Variants in RBM47 observed in about 807,000 individuals in gnomAD.
The protein encoded by RBM47 is RNA binding motif protein 47.
RBM47 carries 21 observed loss-of-function variants against 47.1 expected under a neutral mutation model. The observed-to-expected ratio is 0.45, with a 90% CI of 0.32 to 0.64. The LOEUF (loss-of-function observed/expected upper bound fraction) is 0.64. Ranked by LOEUF, RBM47 falls within the 30% of genes least tolerant of loss-of-function variation. The probability of loss-of-function intolerance (pLI) is 0.05; values close to 1 mark genes in which losing one functional copy is unlikely to be tolerated. For missense variants in RBM47, 708 were observed against 870.9 expected (o/e 0.81, Z 2.35); for synonymous variants, 375 against 361.7 (o/e 1.04, Z -0.42).
At chr4:40,483,953 C>A (rs1444795889) in intron 2 of RBM47, among the ~76,000 whole-genome samples, 1 of 152,046 alleles carries the variant, frequency 6.6e-6, no homozygotes, top group African/African-American at 2.4e-5. Flanking sequence ...ATGTTTACAT[C>A]CAAAGATATT....
chr4:40,583,404 A>G (rs1307753302), intron 1 of RBM47, among the ~76,000 whole-genome samples: 1 of 150,758 alleles, frequency 6.6e-6, no homozygotes, highest in African/African-American at 2.4e-5. Flanking sequence ...AAAAAAAAAA[A>G]AAAAAAAAAA....
intron 1 of RBM47, among the ~76,000 whole-genome samples, chr4:40,569,484 A>C (rs1204746688): frequency 6.8e-6 from 1 of 147,556 alleles, no homozygotes; most frequent in Non-Finnish European, 1.5e-5. Context: ...ATCTCAGTTC[A>C]CTGCAATCTC....
At chr4:40,623,809 G>T (rs201604016) in intron 1 of RBM47, among the ~76,000 whole-genome samples, 2 of 151,926 alleles carry the variant, frequency 1.3e-5, no homozygotes, top group East Asian at 3.9e-4. Context: ...GCCTTTTAAA[G>T]GATATTAAAT....
intron 2 of RBM47, among the ~76,000 whole-genome samples, chr4:40,502,724 T>A (rs1723535532): frequency 6.6e-6 from 1 of 151,570 alleles, no homozygotes; most frequent in Non-Finnish European, 1.5e-5. Flanking sequence ...CATGCACCTG[T>A]AGCTCCAGCT....
intron 6 of RBM47, among the ~76,000 whole-genome samples, chr4:40,430,004 C>T (rs1715682617): frequency 6.6e-6 from 1 of 151,816 alleles, no homozygotes; most frequent in South Asian, 2.1e-4. Context: ...ACCATCCTGG[C>T]TAACAGGTGA....
chr4:40,487,597 TTTC>T (rs1259983916), intron 2 of RBM47, among the ~76,000 whole-genome samples: 2 of 152,144 alleles, frequency 1.3e-5, no homozygotes, highest in Non-Finnish European at 1.5e-5. Flanking sequence ...GGCCTCATCA[TTTC>T]TTTTTTTATC....
intron 2 of RBM47, among the ~76,000 whole-genome samples, chr4:40,509,188 T>TAAATAAATA (rs543483077): frequency 6.8e-5 from 10 of 147,698 alleles, no homozygotes; most frequent in Non-Finnish European, 1.0e-4. Flanking sequence ...AATAAATAAA[T>TAAATAAATA]AATAATAATA....
intron 3 of RBM47, 55 bp from the exon 4 acceptor site, chr4:40,438,979 G>C (rs1012067342): frequency 2.9e-5 from 41 of 1,409,108 alleles, no homozygotes; most frequent in Non-Finnish European, 3.7e-5. Flanking sequence ...GCCTCTTTTG[G>C]GTTGTGTTTC....
chr4:40,609,283 C>T (rs1258262337), intron 1 of RBM47, among the ~76,000 whole-genome samples: 1 of 151,644 alleles, frequency 6.6e-6, no homozygotes, highest in Non-Finnish European at 1.5e-5. Flanking sequence ...AGCCACCATG[C>T]CTGGCCTGCT....
chr4:40,550,184 G>A lies in RBM47; in HGVS notation c.-239-5678C>T, dbSNP rs112283242. On this transcript the variant is annotated intron_variant, in intron 1 of 6. Transcript: ENST00000295971. ...AATTCTCACATGGTCTCCTACACAAGACCATAAATTTTGTGCATGATCATT... is the reference window on the plus strand; with the variant it reads ...AATTCTCACATGGTCTCCTACACAAAACCATAAATTTTGTGCATGATCATT... 4.2e-4 allele frequency among the ~76,000 whole-genome samples: 64 copies of A among 152,230 alleles called. 1 individual carries two copies. The highest frequency in any genetic ancestry group is 1.5e-3 in the African/African-American group (62 of 41,544).
chr4:40,500,159 C>T (rs1490334030), intron 2 of RBM47, among the ~76,000 whole-genome samples: 1 of 152,056 alleles, frequency 6.6e-6, no homozygotes, highest in African/African-American at 2.4e-5. Flanking sequence ...ACTAAAAATA[C>T]AAAATTAGCC....
rs1427063452 is a variant in RBM47, at chr4:40,572,000, G to A, written c.-239-27494C>T. Among the ~76,000 whole-genome samples the A allele has an allele frequency of 5.4e-5, 8 of 147,768 alleles. No individual in the cohort carries two copies. The Admixed American group carries it at 5.5e-4, about 10-fold the overall frequency. On this transcript the variant is annotated intron_variant, in intron 1 of 6. Transcript: ENST00000295971. Reference sequence around the variant, plus strand: ...ATTGTACCACTGTACTCCAGCCTGGGCAACAGAGCGAGACTCCATCTCAAA... The same window carrying A: ...ATTGTACCACTGTACTCCAGCCTGGACAACAGAGCGAGACTCCATCTCAAA...
intron 3 of RBM47, among the ~76,000 whole-genome samples, chr4:40,457,718 A>G (rs977165753): frequency 2.0e-5 from 3 of 152,220 alleles, no homozygotes; most frequent in African/African-American, 7.2e-5. Context: ...TAGAGGCATG[A>G]GTCACTGTGC....
At chr4:40,569,699 A>T (rs563339872) in intron 1 of RBM47, among the ~76,000 whole-genome samples, 4 of 145,702 alleles carry the variant, frequency 2.7e-5, no homozygotes, top group Non-Finnish European at 6.0e-5. Flanking sequence ...GTGAGTCACC[A>T]CGCCCGGCTC....
At chr4:40,467,796 T>C (rs77046496) in intron 2 of RBM47, among the ~76,000 whole-genome samples, 8,520 of 152,236 alleles carry the variant, frequency 0.056, 579 homozygotes, top group East Asian at 0.27. Flanking sequence ...TGTGTGGAAA[T>C]ATAATCTGCC....
At chr4:40,433,102 A>C (rs1181369743) in intron 5 of RBM47, among the ~76,000 whole-genome samples, 1 of 152,068 alleles carries the variant, frequency 6.6e-6, no homozygotes, top group Non-Finnish European at 1.5e-5. Flanking sequence ...CTGGGACTAC[A>C]GGTACAGGCC....
intron 2 of RBM47, among the ~76,000 whole-genome samples, chr4:40,469,546 G>C (rs1455595079): frequency 6.7e-6 from 1 of 150,316 alleles, no homozygotes; most frequent in African/African-American, 2.5e-5. Flanking sequence ...CGATTCTCCT[G>C]TCTCAGCCTC....
chr4:40,540,173 C>T (rs935019029), intron 2 of RBM47, among the ~76,000 whole-genome samples: 3 of 152,086 alleles, frequency 2.0e-5, no homozygotes, highest in Non-Finnish European at 4.4e-5. Context: ...AATATGCTTG[C>T]TGTGGCTTGA....
chr4:40,490,290 G>GAAAAAAA (rs1721687716), intron 2 of RBM47, among the ~76,000 whole-genome samples: 1 of 147,060 alleles, frequency 6.8e-6, no homozygotes, highest in African/African-American at 2.5e-5. Flanking sequence ...TAGAAAAAAA[G>GAAAAAAA]GAAAAAGAAA....
Sources: allele counts gnomAD v4.1 joint callset (sites outside exome capture counted in the v4.1 genomes callset), GRCh38; gene constraint gnomAD v4.1.1; transcripts MANE v1.5; gene names NCBI Gene and HGNC (gene_info 2026-07-23, HGNC 2026-07-21).